NRF1: variants seen among roughly 807,000 people sequenced by gnomAD.
The protein encoded by NRF1 is nuclear respiratory factor 1.
In NRF1, 5 loss-of-function variants were observed where a neutral mutation model predicts 58.5. That is an observed-to-expected ratio of 0.09 (90% CI 0.04 to 0.18). The LOEUF is 0.18. NRF1 is among the 10% of genes least tolerant of loss of function. NRF1 has a pLI of 1.00. For synonymous variants in NRF1, 224 were observed against 246.7 expected (o/e 0.91, Z 0.86); for missense variants, 288 against 657.7 (o/e 0.44, Z 6.15).
At chr7:129,654,235 C>A (rs1010523780) in intron 1 of NRF1, among the ~76,000 whole-genome samples, 1 of 152,206 alleles carries the variant, frequency 6.6e-6, no homozygotes, top group African/African-American at 2.4e-5. Context: ...TGTTGAGCAT[C>A]TTTTCATATG....
chr7:129,730,846 G>A (rs1803561073), intron 10 of NRF1, among the ~76,000 whole-genome samples: 1 of 152,000 alleles, frequency 6.6e-6, no homozygotes, highest in Admixed American at 6.6e-5. Flanking sequence ...GAGTGGTGGT[G>A]CACACCTGTA....
At chr7:129,742,852 A>G (rs1045485594) in intron 10 of NRF1, among the ~76,000 whole-genome samples, 1 of 152,180 alleles carries the variant, frequency 6.6e-6, no homozygotes, top group African/African-American at 2.4e-5. Context: ...TTTAAAAATC[A>G]GTTCCTCAGT....
In NRF1 at chr7:129,685,829, A is replaced by C. The variant is rs1351150555; in HGVS notation, c.466-4577A>C. ...TGGAAAATATTTGGATAAGAAGCAG[A>C]TTTATGTGGTGGCTCATGTCTGTAA... On this transcript the variant is annotated intron_variant, in intron 4 of 10. Transcript: ENST00000393232. 2.0e-5 allele frequency among the ~76,000 whole-genome samples: 3 copies of C among 151,864 alleles called. No homozygotes were observed. In the East Asian group the frequency reaches 5.8e-4, roughly 30 times the overall value.
chr7:129,660,863 G>T (rs1026979664), intron 2 of NRF1, among the ~76,000 whole-genome samples: 2 of 151,024 alleles, frequency 1.3e-5, no homozygotes, highest in African/African-American at 5.0e-5. Context: ...AAGGGACTCT[G>T]TGTGAGGTCT....
intron 1 of NRF1, chr7:129,633,550 C>T (rs550466059): frequency 6.6e-6 from 1 of 152,222 alleles, no homozygotes; most frequent in South Asian, 2.1e-4. Flanking sequence ...AGACAAGTGC[C>T]ACCATAGGCT....
intron 1 of NRF1, among the ~76,000 whole-genome samples, chr7:129,623,380 GTT>G (rs5887435): frequency 0.19 from 28,354 of 147,230 alleles, 2,940 homozygotes; most frequent in East Asian, 0.47. Context: ...AAAAATACCT[GTT>G]TTTTTTTTTT....
At chr7:129,737,272 G>A (rs938784350) in intron 10 of NRF1, among the ~76,000 whole-genome samples, 1 of 152,174 alleles carries the variant, frequency 6.6e-6, no homozygotes, top group African/African-American at 2.4e-5. Context: ...GAAAATACAA[G>A]GTGACATTGT....
At chr7:129,676,006 T>C (rs1415628106) in intron 3 of NRF1, among the ~76,000 whole-genome samples, 1 of 152,224 alleles carries the variant, frequency 6.6e-6, no homozygotes, top group Non-Finnish European at 1.5e-5. Flanking sequence ...GATAACTTGC[T>C]CCAGCTTCTA....
chr7:129,635,966 C>T (rs942586312), intron 1 of NRF1, among the ~76,000 whole-genome samples: 1 of 151,900 alleles, frequency 6.6e-6, no homozygotes, highest in African/African-American at 2.4e-5. Context: ...TAGATTTAAA[C>T]ACCTCTTATT....
chr7:129,665,868 C>T lies in NRF1; in HGVS notation c.224-5561C>T, dbSNP rs188058927. ...GGCTCAAGTGATCCTCCTGCCTTGG[C>T]CTCCCAGAGTGTTGGGATTACAGGC... On this transcript the variant is annotated intron_variant, in intron 2 of 10. Coordinates refer to ENST00000393232, the MANE Select transcript of NRF1 (RefSeq NM_005011.5). Among the ~76,000 whole-genome samples, 91 of 152,346 alleles carry T rather than the reference C, an allele frequency of 6.0e-4. 1 individual carries two copies. Among genetic ancestry groups the T allele is most frequent in the African/African-American group, 2.2e-3 (90 of 41,584 alleles).
intron 4 of NRF1, among the ~76,000 whole-genome samples, chr7:129,687,749 A>G (rs1189219523): frequency 6.6e-6 from 1 of 152,254 alleles, no homozygotes; most frequent in Non-Finnish European, 1.5e-5. Flanking sequence ...TGCCTTGTCC[A>G]TAGCAATTTT....
chr7:129,742,345 G>A (rs1442926185), intron 10 of NRF1, among the ~76,000 whole-genome samples: 1 of 150,696 alleles, frequency 6.6e-6, no homozygotes, highest in Non-Finnish European at 1.5e-5. Flanking sequence ...AATCATTGAA[G>A]GGGTCTAAAT....
chr7:129,637,647 C>T (rs4731610), intron 1 of NRF1, among the ~76,000 whole-genome samples: 19,862 of 152,068 alleles, frequency 0.13, 1,651 homozygotes, highest in Admixed American at 0.23. Flanking sequence ...AAAAATGAGA[C>T]CACACTCATT....
At chr7:129,615,165 T>C (rs1280239946) in intron 1 of NRF1, among the ~76,000 whole-genome samples, 1 of 152,248 alleles carries the variant, frequency 6.6e-6, no homozygotes, top group Non-Finnish European at 1.5e-5. Flanking sequence ...AGAAACAGTC[T>C]ACAGTCCTAC....
intron 10 of NRF1, among the ~76,000 whole-genome samples, chr7:129,727,833 C>T (rs1803484909): frequency 6.6e-6 from 1 of 152,178 alleles, no homozygotes; most frequent in Admixed American, 6.5e-5. Flanking sequence ...GCCGGTGCCT[C>T]TCTGGTTGGT....
rs377160924 is a variant in NRF1, at chr7:129,726,422, A to G, written c.1224-819A>G. Among the ~76,000 whole-genome samples, 114 of 152,338 alleles carry G rather than the reference A, an allele frequency of 7.5e-4. No homozygotes were observed. In the Middle Eastern group the frequency reaches 0.01, roughly 14 times the overall value. On this transcript the variant is annotated intron_variant, in intron 9 of 10. Transcript: ENST00000393232. ...GTATTTATGCACATAGTAAAAGCAT[A>G]TAGCAAGGAAAAGAAAGAAAAATGG...
intron 1 of NRF1, among the ~76,000 whole-genome samples, chr7:129,648,740 G>C (rs887452939): frequency 1.3e-5 from 2 of 151,962 alleles, no homozygotes; most frequent in Non-Finnish European, 2.9e-5. Flanking sequence ...TATACTCCTA[G>C]CCATTCTTCC....
At chr7:129,743,043 A>G (rs1484987081) in intron 10 of NRF1, among the ~76,000 whole-genome samples, 3 of 152,156 alleles carry the variant, frequency 2.0e-5, no homozygotes, top group Non-Finnish European at 2.9e-5. Context: ...GTTGGAAGGA[A>G]AAAATGAAAT....
chr7:129,644,265 G>A (rs1164091242), intron 1 of NRF1, among the ~76,000 whole-genome samples: 2 of 152,196 alleles, frequency 1.3e-5, no homozygotes, highest in Non-Finnish European at 2.9e-5. Context: ...AGAAACATAG[G>A]AAATTAGGTA....
Sources: allele counts gnomAD v4.1 joint callset (sites outside exome capture counted in the v4.1 genomes callset), GRCh38; gene constraint gnomAD v4.1.1; transcripts MANE v1.5; gene names NCBI Gene and HGNC (gene_info 2026-07-23, HGNC 2026-07-21).